VPS11: variants seen among roughly 807,000 people sequenced by gnomAD.
VPS11 encodes vacuolar protein sorting-associated protein 11 homolog.
VPS11 carries 51 observed loss-of-function variants against 106.8 expected under a neutral mutation model. The ratio of observed to expected loss-of-function variants is 0.48; its 90% confidence interval spans 0.38 to 0.60. The LOEUF (loss-of-function observed/expected upper bound fraction) is 0.60. VPS11 is among the 20% of genes least tolerant of loss of function. The pLI is 0.00. For synonymous variants in VPS11, 453 were observed against 458.7 expected (o/e 0.99, Z 0.16); for missense variants, 950 against 1,190.0 (o/e 0.80, Z 2.97).
Position 119,076,908 on chromosome 11 carries a change from A to G in VPS11, c.1250A>G (p.Lys417Arg). ...ACATGTCTCCCTAGAACCATTGGAA[A>G]GTTGGAGCCATCCTACGTGATCCGC... The part of the protein sequence containing the change: ...AVQQYIRTIG[K>R]LEPSYVIRKF... Residue 417 changes from lysine to arginine, a missense_variant, in exon 8 of 16, where the codon AAG becomes AGG. Physicochemically the swap from Lys to Arg is conservative, Grantham distance 26 (BLOSUM62 2). Around this residue, in one of 3 missense-constraint regions of VPS11, gnomAD observed 435 missense variants for 630.2 expected, o/e 0.69. Coordinates refer to ENST00000621676, the MANE Select transcript of VPS11 (RefSeq NM_021729.6). 3 of 1,613,984 alleles carry G rather than the reference A, an allele frequency of 1.9e-6. No homozygotes were observed. Among genetic ancestry groups the G allele is most frequent in the Middle Eastern group, 3.3e-4 (2 of 6,062 alleles).
intron 6 of VPS11, 162 bp downstream of exon 6, chr11:119,073,561 C>A: frequency 2.0e-6 from 2 of 992,012 alleles, no homozygotes; most frequent in Non-Finnish European, 2.9e-6. Context: ...TGGGATGGGG[C>A]TTTAGAGGGA....
rs782653724 is a variant in VPS11 at position 119,081,441 on chromosome 11, C to T, written c.2662-18C>T. ...CTTTGATTCTGATTCGTATTCCTTCCCTCCTCTTCTCCTGCAGCTCAAGTG... is the reference window on the plus strand; with the variant it reads ...CTTTGATTCTGATTCGTATTCCTTCTCTCCTCTTCTCCTGCAGCTCAAGTG... On this transcript the variant is annotated intron_variant, in intron 15 of 15. Transcript: ENST00000621676. 8 of 1,613,934 alleles carry T rather than the reference C, an allele frequency of 5.0e-6. 1 individual carries two copies. The Middle Eastern group carries it at 6.6e-4, about 133-fold the overall frequency.
At chr11:119,074,627 A>G (rs1184902) in intron 7 of VPS11, among the ~76,000 whole-genome samples, 63,437 of 151,756 alleles carry the variant, frequency 0.42, 13,847 homozygotes, top group African/African-American at 0.53. Context: ...CTGGTCTCGA[A>G]CTCCTGAGCT....
rs782684962 is a variant in VPS11 at position 119,076,858 on chromosome 11, C to T, written c.1239-39C>T. 3.7e-6 allele frequency: 6 copies of T among 1,607,844 alleles called. No homozygotes were observed. The South Asian group carries it at 6.6e-5, about 18-fold the overall frequency. ...CCTGTGTACATGAGCTGGAGAAGTA[C>T]ACTGATTCAGATGCTATCGGGTGCA... On this transcript the variant is annotated intron_variant, in intron 7 of 15. Coordinates refer to ENST00000621676, the MANE Select transcript of VPS11 (RefSeq NM_021729.6).
At chr11:119,081,402 T>C (rs930083215) in intron 15 of VPS11, 57 bp from the exon 16 acceptor site, 4 of 1,611,736 alleles carry the variant, frequency 2.5e-6, no homozygotes, top group Non-Finnish European at 3.4e-6. Context: ...ACCTCCTCAT[T>C]TAAGAAACAA....
At chr11:119,079,376 T>G (rs542221888) in intron 14 of VPS11, 76 bp downstream of exon 14, 22 of 1,458,512 alleles carry the variant, frequency 1.5e-5, no homozygotes, top group Non-Finnish European at 2.0e-5. Context: ...CTAAGTACTT[T>G]CCGTAGAGGA....
At chr11:119,070,586 T>C in intron 4 of VPS11, 189 bp downstream of exon 4, 2 of 544,320 alleles carry the variant, frequency 3.7e-6, no homozygotes, top group Admixed American at 3.9e-5. Context: ...TCTGGGCTTG[T>C]AGTAAAAAGA....
rs186792200 is a variant in VPS11, at chr11:119,078,195, C to T, written c.1784C>T (p.Pro595Leu). 1.9e-6 allele frequency: 3 copies of T among 1,613,506 alleles called. No individual in the cohort carries two copies. Among genetic ancestry groups the T allele is most frequent in the East Asian group, 4.5e-5 (2 of 44,874 alleles). The change falls in exon 11 of 16, where the codon CCC (proline) becomes CTC (leucine). Residue 595 changes from proline (P) to leucine (L), a missense_variant. Transcript: ENST00000621676. ...GCRANSEEFI[P>L]IFANNPRELK... ...TAGGCCAACTCTGAGGAGTTCATCCCCATCTTTGCCAATAACCCGCGAGAG... is the reference window on the plus strand; with the variant it reads ...TAGGCCAACTCTGAGGAGTTCATCCTCATCTTTGCCAATAACCCGCGAGAG...
chr11:119,070,994 T>C (rs1945366848), intron 4 of VPS11, among the ~76,000 whole-genome samples: 1 of 150,406 alleles, frequency 6.6e-6, no homozygotes, highest in Non-Finnish European at 1.5e-5. Flanking sequence ...AATGGTGCTG[T>C]CTCAGCTCAC....
intron 5 of VPS11, chr11:119,072,094 T>A (rs983370172): frequency 5.2e-6 from 2 of 386,028 alleles, no homozygotes; most frequent in Admixed American, 7.5e-5. Flanking sequence ...GCCTCCTGAA[T>A]AGCTGGGATT....
chr11:119,079,578 G>A (rs142502172), intron 14 of VPS11, among the ~76,000 whole-genome samples: 1 of 152,148 alleles, frequency 6.6e-6, no homozygotes, highest in Non-Finnish European at 1.5e-5. Context: ...GTTGGAAGCC[G>A]TTCTGGTGTT....
chr11:119,068,755 T>G (rs1002524716), intron 1 of VPS11, among the ~76,000 whole-genome samples: 2 of 149,748 alleles, frequency 1.3e-5, no homozygotes, highest in African/African-American at 4.9e-5. Context: ...GCACTAAATT[T>G]TTTTCTTTTT....
chr11:119,077,860 C>G lies in VPS11; in HGVS notation c.1573-18C>G. On this transcript the variant is annotated intron_variant, in intron 9 of 15. Coordinates refer to ENST00000621676, the MANE Select transcript of VPS11 (RefSeq NM_021729.6). ...TGAGGCAGGAGTATACACTATTCTG[C>G]CCTTTACTTTTCCACAGAATTATCA... 6.2e-7 allele frequency: 1 copy of G among 1,613,586 alleles called. No homozygotes were observed. Among genetic ancestry groups the G allele is most frequent in the African/African-American group, 1.3e-5 (1 of 75,018 alleles).
chr11:119,068,073 A>C (rs1945190906), intron 1 of VPS11, 63 bp downstream of exon 1: 4 of 1,496,690 alleles, frequency 2.7e-6, no homozygotes, highest in African/African-American at 1.4e-5. Flanking sequence ...GTTAGGATGA[A>C]ATCTGTTTGT....
intron 14 of VPS11, 79 bp from the exon 15 acceptor site, chr11:119,081,013 C>G: frequency 1.5e-6 from 2 of 1,338,052 alleles, no homozygotes; most frequent in Non-Finnish European, 2.1e-6. Flanking sequence ...CTGTGCACTT[C>G]AGCTGCCTTC....
chr11:119,074,475 G>A (rs1169326), intron 7 of VPS11, among the ~76,000 whole-genome samples: 63,311 of 151,406 alleles, frequency 0.42, 13,792 homozygotes, highest in African/African-American at 0.53. Context: ...GTGTGATCTC[G>A]GCTCACTGCA....
At position 119,071,572 on chromosome 11, in the gene VPS11, TAACCC is replaced by T; in HGVS notation, c.637-23_637-19del. The T allele has an allele frequency of 1.2e-6, 2 of 1,612,534 alleles. No homozygotes were observed. Among genetic ancestry groups the T allele is most frequent in the Non-Finnish European group, 1.7e-6 (2 of 1,178,680 alleles). On this transcript the variant is annotated intron_variant, in intron 4 of 15. Coordinates refer to ENST00000621676, the MANE Select transcript of VPS11 (RefSeq NM_021729.6). ...GAGTTACCTCCTCAAAGGAGCCTGT[TAACCC>T]CTTTGTTGCTTCTGGCAGTCCTATA... is the stretch of plus-strand genomic sequence containing the variant.
In VPS11 at chr11:119,081,241, A is replaced by T; in HGVS notation, c.2588A>T (p.Glu863Val). 1.2e-6 allele frequency: 2 copies of T among 1,614,020 alleles called. No individual in the cohort carries two copies. The highest frequency in any genetic ancestry group is 1.7e-6 in the Non-Finnish European group (2 of 1,179,904). ...SDADCPTCLP[E>V]NRKVMDMIRA... ...GCTGACTGCCCCACCTGCCTCCCTGAAAACCGGAAGGTCATGGATATGATC... is the reference window on the plus strand; with the variant it reads ...GCTGACTGCCCCACCTGCCTCCCTGTAAACCGGAAGGTCATGGATATGATC... Residue 863 changes from glutamate to valine, a missense_variant, in exon 15 of 16, where the codon GAA (glutamate) becomes GTA (valine). Around this residue, in one of 3 missense-constraint regions of VPS11, gnomAD observed 453 missense variants for 514.6 expected, o/e 0.88. Transcript: ENST00000621676.
At chr11:119,075,724 C>T (rs113984245) in intron 7 of VPS11, among the ~76,000 whole-genome samples, 6,066 of 150,716 alleles carry the variant, frequency 0.04, 439 homozygotes, top group African/African-American at 0.14. Flanking sequence ...TGGTGGCGGG[C>T]GCCTGTAATC....
Sources: allele counts gnomAD v4.1 joint callset (sites outside exome capture counted in the v4.1 genomes callset), GRCh38; gene constraint gnomAD v4.1.1; regional missense constraint gnomAD v4.1.1; transcripts MANE v1.5; gene names NCBI Gene and HGNC (gene_info 2026-07-23, HGNC 2026-07-21).